The following PATL2 variants were observed in gnomAD, a reference collection of about 807,000 sequenced individuals.
The protein encoded by PATL2 is protein PAT1 homolog 2.
Under a neutral mutation model 77.0 loss-of-function variants are expected in PATL2, and 73 were observed. The observed-to-expected ratio is 0.95, with a 90% CI of 0.78 to 1.15. PATL2 has a LOEUF of 1.15. Ranked by LOEUF, PATL2 falls within the 50% of genes most tolerant of loss-of-function variation. The pLI, the probability that PATL2 is intolerant of heterozygous loss-of-function variation, is 0.00. For missense variants in PATL2, 618 were observed against 655.4 expected (o/e 0.94, Z 0.62); for synonymous variants, 265 against 257.1 (o/e 1.03, Z -0.29).
chr15:44,705,110 G>A (rs1313935348), intron 3 of PATL2, among the ~76,000 whole-genome samples: 1 of 152,042 alleles, frequency 6.6e-6, no homozygotes, highest in African/African-American at 2.4e-5. Context: ...GTTTGGGAAG[G>A]TCTTTGTTAC....
chr15:44,673,192 C>G (rs1248614736), intron 7 of PATL2, 43 bp downstream of exon 7: 4 of 1,545,424 alleles, frequency 2.6e-6, no homozygotes, highest in Admixed American at 2.0e-5. Context: ...CCCTCCTCAG[C>G]CAGCACCTCC....
intron 3 of PATL2, among the ~76,000 whole-genome samples, chr15:44,683,772 G>C (rs1354466964): frequency 2.0e-5 from 3 of 152,182 alleles, no homozygotes; most frequent in Non-Finnish European, 4.4e-5. Context: ...CCTCAAGTGT[G>C]TCCCTGACCC....
chr15:44,673,438 G>C (rs977785279), intron 6 of PATL2, 61 bp from the exon 7 acceptor site: 2 of 1,533,620 alleles, frequency 1.3e-6, no homozygotes, highest in Non-Finnish European at 1.8e-6. Context: ...TGCTGCTCTT[G>C]TTGTGAGGGC....
chr15:44,672,229 A>AGTGG, intron 8 of PATL2, 73 bp from the exon 9 acceptor site: 1 of 1,549,066 alleles, frequency 6.5e-7, no homozygotes, highest in African/African-American at 1.4e-5. Flanking sequence ...GTGAGCAGGA[A>AGTGG]GTGGGGCTCT....
chr15:44,709,145 C>T (rs183928493), intron 3 of PATL2, among the ~76,000 whole-genome samples: 4 of 152,222 alleles, frequency 2.6e-5, no homozygotes, highest in East Asian at 1.9e-4. Context: ...GTGATCTGCC[C>T]GCCTTGACCT....
At chr15:44,678,010 G>A (rs529407798) in intron 3 of PATL2, among the ~76,000 whole-genome samples, 2 of 151,586 alleles carry the variant, frequency 1.3e-5, no homozygotes, top group South Asian at 4.2e-4. Flanking sequence ...GCTAATTTTT[G>A]TATATATATA....
At chr15:44,693,773 A>G (rs2086446283) in intron 3 of PATL2, among the ~76,000 whole-genome samples, 1 of 151,736 alleles carries the variant, frequency 6.6e-6, no homozygotes, top group Non-Finnish European at 1.5e-5. Context: ...GCTCACTGCA[A>G]CCTTGGCTCA....
In PATL2 at chr15:44,665,791, A is replaced by G. The variant is rs1412740535; in HGVS notation, c.*162T>C. ...GCCATGTCTTATTTTTAGGCACATC[A>G]TTTAGATTTTTGAAGAAAGGATATG... On this transcript the variant is annotated 3_prime_UTR_variant, in exon 18 of 18. Transcript: ENST00000682850. The G allele has an allele frequency of 1.3e-6, 2 of 1,509,756 alleles. No individual in the cohort carries two copies. The highest frequency in any genetic ancestry group is 1.4e-5 in the African/African-American group (1 of 70,858). 93.5% of individuals were successfully genotyped at this position (1,509,756 alleles called of 1,614,324 possible).
chr15:44,679,045 T>C (rs1259856788), intron 3 of PATL2, among the ~76,000 whole-genome samples: 1 of 152,174 alleles, frequency 6.6e-6, no homozygotes, highest in East Asian at 1.9e-4. Flanking sequence ...AACTGTACTT[T>C]GTCTCTCCTG....
Position 44,670,050 on chromosome 15 carries a change from T to G in PATL2, c.695A>C (p.Glu232Ala). The G allele has an allele frequency of 6.4e-7, 1 of 1,551,542 alleles. No homozygotes were observed. Among genetic ancestry groups the G allele is most frequent in the Non-Finnish European group, 8.7e-7 (1 of 1,146,936 alleles). Residue 232 changes from glutamate to alanine, a missense_variant, in exon 10 of 18, where the codon GAA becomes GCA. Glu to Ala is a moderately radical substitution (Grantham distance 107). Transcript: ENST00000682850. ...YQKLEKKQADEELLGRRNRVE... is the reference protein window; with the variant it reads ...YQKLEKKQADAELLGRRNRVE... ...CCGGTTTCTTCGTCCAAGTAGCTCT[T>G]CGTCTGCCTGCTTCTTCTCTAGCTT...
chr15:44,703,526 C>T (rs2086671793), intron 3 of PATL2, among the ~76,000 whole-genome samples: 1 of 151,994 alleles, frequency 6.6e-6, no homozygotes, highest in Non-Finnish European at 1.5e-5. Flanking sequence ...AACCTCTTTT[C>T]ATTATATAAT....
intron 3 of PATL2, among the ~76,000 whole-genome samples, chr15:44,687,209 T>C (rs887957221): frequency 9.2e-5 from 14 of 152,190 alleles, no homozygotes; most frequent in Non-Finnish European, 1.5e-4. Context: ...TTATCCACCA[T>C]GATCAAGTCA....
At chr15:44,675,890 A>C in intron 4 of PATL2, 199 bp from the exon 5 acceptor site, 1 of 555,540 alleles carries the variant, frequency 1.8e-6, no homozygotes, top group Non-Finnish European at 3.2e-6. Flanking sequence ...AGTAAGTCAA[A>C]TGGAACCTGA....
At chr15:44,675,387 TTAGAAAAGGG>T in intron 5 of PATL2, 89 bp downstream of exon 5, 6 of 1,354,456 alleles carry the variant, frequency 4.4e-6, no homozygotes, top group South Asian at 1.5e-5. Context: ...AGAACTTGTC[TTAGAAAAGGG>T]TAGAAAAGAG....
chr15:44,702,943 G>T (rs1250596781), intron 3 of PATL2, among the ~76,000 whole-genome samples: 2 of 152,128 alleles, frequency 1.3e-5, no homozygotes, highest in South Asian at 4.2e-4. Flanking sequence ...GGAGAAGAAT[G>T]GGTATTCTGT....
chr15:44,681,348 A>G (rs769529722), intron 3 of PATL2, among the ~76,000 whole-genome samples: 1 of 152,166 alleles, frequency 6.6e-6, no homozygotes, highest in African/African-American at 2.4e-5. Context: ...TGCAAAAGAC[A>G]TGTTTCAGTC....
chr15:44,702,295 C>T (rs2086645694), intron 3 of PATL2, among the ~76,000 whole-genome samples: 1 of 152,014 alleles, frequency 6.6e-6, no homozygotes. Context: ...ATAGTAGCCT[C>T]TAATGATCGT....
At chr15:44,688,845 G>T (rs1445907596) in intron 3 of PATL2, among the ~76,000 whole-genome samples, 1 of 152,154 alleles carries the variant, frequency 6.6e-6, no homozygotes, top group Non-Finnish European at 1.5e-5. Context: ...GGCAACAAAA[G>T]CCAAAATTGA....
intron 3 of PATL2, among the ~76,000 whole-genome samples, chr15:44,683,978 A>C (rs912380536): frequency 1.1e-4 from 16 of 151,972 alleles, no homozygotes; most frequent in Non-Finnish European, 4.4e-5. Context: ...CCTCCAGCAA[A>C]CTCCAACAGA....
Sources: gnomAD v4.1 joint callset for allele counts (sites outside exome capture counted in the v4.1 genomes callset) on GRCh38, gnomAD v4.1.1 for gene constraint, MANE v1.5 for transcripts, NCBI Gene and HGNC (gene_info 2026-07-23, HGNC 2026-07-21) for gene names.